PRKCB: variants seen among roughly 807,000 people sequenced by gnomAD.
PRKCB encodes protein kinase C beta, also known as protein kinase C beta type.
A neutral mutation model predicts 81.5 loss-of-function variants in PRKCB; 13 were observed. The ratio of observed to expected loss-of-function variants is 0.16; its 90% CI spans 0.10 to 0.25. The LOEUF (loss-of-function observed/expected upper bound fraction) is 0.25. Among genes scored for constraint, PRKCB ranks in the 10% least tolerant of loss-of-function variants. The probability of loss-of-function intolerance (pLI) is 1.00; values close to 1 mark genes in which losing one functional copy is unlikely to be tolerated. For synonymous variants in PRKCB, 335 were observed against 321.4 expected (o/e 1.04, Z -0.45); for missense variants, 509 against 875.7 (o/e 0.58, Z 5.29).
At chr16:24,125,563 C>T (rs1005329111) in intron 9 of PRKCB, among the ~76,000 whole-genome samples, 1 of 152,218 alleles carries the variant, frequency 6.6e-6, no homozygotes, top group Non-Finnish European at 1.5e-5. Flanking sequence ...CGCTCATTCA[C>T]TGTCCATTAT....
At position 24,180,774 on chromosome 16, in the gene PRKCB, CT is replaced by C; in HGVS notation, c.1395-14del. ...TAGCGTTTAATTAAATCTCTAAATTCTTGTGTCTGCCATAGTGACCTAAAAC... is the reference window on the plus strand; with the variant it reads ...TAGCGTTTAATTAAATCTCTAAATTCTGTGTCTGCCATAGTGACCTAAAAC... On this transcript the variant is annotated splice_polypyrimidine_tract_variant and intron_variant, in intron 12 of 16. Coordinates refer to ENST00000643927, the MANE Select transcript of PRKCB (RefSeq NM_002738.7). The C allele has an allele frequency of 6.2e-7, 1 of 1,611,636 alleles. No individual in the cohort carries two copies.
Position 24,219,994 on chromosome 16 carries a change from G to C in PRKCB, c.*5178G>C. 6.2e-7 allele frequency: 1 copy of C among 1,614,122 alleles called. No individual in the cohort carries two copies. Among genetic ancestry groups the C allele is most frequent in the East Asian group, 2.2e-5 (1 of 44,868 alleles). On this transcript the variant is annotated 3_prime_UTR_variant, in exon 17 of 17. Transcript: ENST00000643927. ...GAGAGACACCTCCAACTTCGACAAA[G>C]AGTTCACCAGACAGCCTGTGGAACT... is the stretch of plus-strand genomic sequence containing the variant.
chr16:23,846,997 A>G (rs1962380772), intron 2 of PRKCB, among the ~76,000 whole-genome samples: 1 of 152,052 alleles, frequency 6.6e-6, no homozygotes, highest in African/African-American at 2.4e-5. Context: ...AAGTTGCCCT[A>G]CAGAGTCAGG....
chr16:24,007,270 T>C (rs1965138537), intron 3 of PRKCB, among the ~76,000 whole-genome samples: 1 of 152,246 alleles, frequency 6.6e-6, no homozygotes, highest in African/African-American at 2.4e-5. Context: ...ACATGCTAGT[T>C]AATATTATTG....
At chr16:23,925,794 A>G (rs1963889001) in intron 2 of PRKCB, among the ~76,000 whole-genome samples, 1 of 151,992 alleles carries the variant, frequency 6.6e-6, no homozygotes, top group South Asian at 2.1e-4. Context: ...CAACCCTTCC[A>G]AGAAGGATGA....
chr16:24,215,074 A>C lies in PRKCB; in HGVS notation c.*258A>C, dbSNP rs1968204153. 1 of 1,216,104 alleles carries C rather than the reference A, an allele frequency of 8.2e-7. No individual in the cohort carries two copies. The highest frequency in any genetic ancestry group is 1.0e-6 in the Non-Finnish European group (1 of 968,982). The allele number at this position is 1,216,104 out of a possible 1,614,324, so 75.3% of individuals were successfully genotyped here. On this transcript the variant is annotated 3_prime_UTR_variant, in exon 17 of 17. Transcript: ENST00000643927. ...AGTCCTCTTACAATTTATTTTCCGC[A>C]GCATGTCAGCTAAGTAGACCCAATG...
At chr16:24,205,156 T>C (rs964082681) in intron 16 of PRKCB, among the ~76,000 whole-genome samples, 4 of 148,498 alleles carry the variant, frequency 2.7e-5, no homozygotes. Flanking sequence ...TTTTTTTTTT[T>C]TTTTTTTTTT....
chr16:24,158,583 T>TGTATATGTATAC, intron 10 of PRKCB, among the ~76,000 whole-genome samples: 2 of 151,882 alleles, frequency 1.3e-5, no homozygotes, highest in Non-Finnish European at 2.9e-5. Context: ...TATATGTATA[T>TGTATATGTATAC]GTATATGTAT....
At chr16:23,917,820 A>G (rs935638595) in intron 2 of PRKCB, among the ~76,000 whole-genome samples, 2 of 152,204 alleles carry the variant, frequency 1.3e-5, no homozygotes, top group Non-Finnish European at 2.9e-5. Context: ...TCAGAGGGTA[A>G]GTGATCTCGT....
intron 16 of PRKCB, among the ~76,000 whole-genome samples, chr16:24,197,359 C>T (rs1166300820): frequency 6.6e-6 from 1 of 151,766 alleles, no homozygotes; most frequent in Non-Finnish European, 1.5e-5. Context: ...GAGGTGGGAG[C>T]CATGTATATA....
intron 2 of PRKCB, among the ~76,000 whole-genome samples, chr16:23,913,236 A>G (rs765163944): frequency 2.0e-5 from 3 of 151,978 alleles, no homozygotes; most frequent in Non-Finnish European, 4.4e-5. Flanking sequence ...GGACAAGGAG[A>G]AGCCGAGAGA....
At chr16:24,135,193 T>C (rs991326284) in intron 9 of PRKCB, among the ~76,000 whole-genome samples, 1 of 151,766 alleles carries the variant, frequency 6.6e-6, no homozygotes, top group African/African-American at 2.4e-5. Flanking sequence ...AGCATCTCAA[T>C]AGCACCTCCC....
intron 9 of PRKCB, among the ~76,000 whole-genome samples, chr16:24,151,327 T>C (rs1297264933): frequency 6.6e-6 from 1 of 152,252 alleles, no homozygotes; most frequent in Non-Finnish European, 1.5e-5. Flanking sequence ...TTTTTATGCT[T>C]ATCTTCCATT....
rs1046315688 is a variant in PRKCB at position 24,115,520 on chromosome 16, A to G, written c.918+2451A>G. On this transcript the variant is annotated intron_variant, in intron 8 of 16. Transcript: ENST00000643927. The stretch of plus-strand genomic sequence containing the variant: ...TCCCAAGGATTTTAGCATTTATCCC[A>G]AGAGCATTTATCCAAGAGCATTTAT... Among the ~76,000 whole-genome samples the G allele has an allele frequency of 3.3e-5, 5 of 151,974 alleles. No homozygotes were observed. In the South Asian group the frequency reaches 1.0e-3, roughly 31 times the overall value.
At chr16:23,992,238 G>A (rs1416066892) in intron 3 of PRKCB, among the ~76,000 whole-genome samples, 3 of 152,182 alleles carry the variant, frequency 2.0e-5, no homozygotes, top group African/African-American at 7.2e-5. Flanking sequence ...TGTTACAGCA[G>A]CCAGAAGGGA....
At chr16:24,122,591 C>G (rs1306956892) in intron 8 of PRKCB, among the ~76,000 whole-genome samples, 2 of 151,992 alleles carry the variant, frequency 1.3e-5, no homozygotes. Flanking sequence ...TCCCAGGTAG[C>G]TGGGATGACA....
At position 23,836,193 on chromosome 16, in the gene PRKCB, G is replaced by A. The variant is rs768549392; in HGVS notation, c.18G>A (p.Ala6=). 7.4e-5 allele frequency: 116 copies of A among 1,567,662 alleles called. No individual in the cohort carries two copies. The South Asian group carries it at 1.2e-3, about 16-fold the overall frequency. Residue 6 remains alanine (A), a synonymous_variant, in exon 1 of 17, where the codon GCG becomes GCA. Coordinates refer to ENST00000643927, the MANE Select transcript of PRKCB (RefSeq NM_002738.7). ...CGCGCAAGATGGCTGACCCGGCTGC[G>A]GGGCCGCCGCCGAGCGAGGGCGAGG... MADPA[A]GPPPSEGEES... is the part of the protein sequence containing the mutation.
intron 2 of PRKCB, among the ~76,000 whole-genome samples, chr16:23,856,847 A>G (rs1358657563): frequency 6.6e-6 from 1 of 152,210 alleles, no homozygotes; most frequent in African/African-American, 2.4e-5. Flanking sequence ...TATTTGATAT[A>G]AACATATATA....
chr16:24,005,207 T>G (rs563479551), intron 3 of PRKCB, among the ~76,000 whole-genome samples: 18 of 141,380 alleles, frequency 1.3e-4, no homozygotes, highest in Non-Finnish European at 2.6e-4. Flanking sequence ...GGAAATGCAG[T>G]CATAATATAT....
Sources: allele counts gnomAD v4.1 joint callset (sites outside exome capture counted in the v4.1 genomes callset), GRCh38; gene constraint gnomAD v4.1.1; transcripts MANE v1.5; gene names NCBI Gene and HGNC (gene_info 2026-07-23, HGNC 2026-07-21).